Variants in GLDC observed in about 807,000 individuals in gnomAD.
The protein encoded by GLDC is glycine decarboxylase, also known as glycine dehydrogenase (decarboxylating), mitochondrial.
In GLDC, 104 loss-of-function variants were observed where a neutral mutation model predicts 121.3. The ratio of observed to expected loss-of-function variants is 0.86; its 90% confidence interval spans 0.73 to 1.01. The LOEUF is 1.01. Ranked by LOEUF, GLDC falls within the 50% of genes least tolerant of loss-of-function variation. The probability of loss-of-function intolerance (pLI) is 0.00; values close to 1 mark genes in which losing one functional copy is unlikely to be tolerated. For missense variants in GLDC, 1,429 were observed against 1,306.6 expected (o/e 1.09, Z -1.44); for synonymous variants, 546 against 480.6 (o/e 1.14, Z -1.78).
intron 17 of GLDC, among the ~76,000 whole-genome samples, chr9:6,557,486 C>T (rs1177405175): frequency 1.3e-5 from 2 of 152,046 alleles, no homozygotes; most frequent in African/African-American, 4.8e-5. Context: ...CCCAGCTAAT[C>T]AGGAGGCTGA....
At chr9:6,583,965 C>A (rs1281265790) in intron 15 of GLDC, among the ~76,000 whole-genome samples, 1 of 152,172 alleles carries the variant, frequency 6.6e-6, no homozygotes, top group Non-Finnish European at 1.5e-5. Context: ...GGCTGTACAA[C>A]AGTGTGAATA....
intron 15 of GLDC, among the ~76,000 whole-genome samples, chr9:6,566,839 A>G (rs949478796): frequency 2.0e-5 from 3 of 152,218 alleles, no homozygotes; most frequent in East Asian, 1.9e-4. Context: ...TACCCACAGA[A>G]AATCGGTAAG....
At chr9:6,605,462 C>A in intron 5 of GLDC, 184 bp from the exon 6 acceptor site, 1 of 657,648 alleles carries the variant, frequency 1.5e-6, no homozygotes, top group Non-Finnish European at 2.8e-6. Flanking sequence ...TCAAGCGCAT[C>A]CAACAGCTCT....
At position 6,587,123 on chromosome 9, in the gene GLDC, G is replaced by C; in HGVS notation, c.1850+18C>G. On this transcript the variant is annotated intron_variant, in intron 15 of 24. Transcript: ENST00000321612. ...CAAGAATAGATTGCTGAAACAATAA[G>C]AAAAGAAATGCCCTTACCTGTTTGG... 1 of 1,605,996 alleles carries C rather than the reference G, an allele frequency of 6.2e-7. No individual in the cohort carries two copies. The highest frequency in any genetic ancestry group is 8.5e-7 in the Non-Finnish European group (1 of 1,173,802).
At chr9:6,582,214 C>CAA (rs34879516) in intron 15 of GLDC, among the ~76,000 whole-genome samples, 43 of 48,586 alleles carry the variant, frequency 8.9e-4, no homozygotes, top group African/African-American at 1.6e-3. Context: ...GACTTCGTCT[C>CAA]AAAAAAAAAA....
At chr9:6,627,668 T>C (rs570624197) in intron 2 of GLDC, among the ~76,000 whole-genome samples, 5 of 152,178 alleles carry the variant, frequency 3.3e-5, no homozygotes, top group Non-Finnish European at 5.9e-5. Context: ...CACTCATCCA[T>C]TGCCCAACAC....
intron 16 of GLDC, among the ~76,000 whole-genome samples, chr9:6,564,259 A>AG (rs1394666691): frequency 6.6e-6 from 1 of 151,984 alleles, no homozygotes; most frequent in African/African-American, 2.4e-5. Context: ...AAAAAAAAAA[A>AG]AAAATTCTAT....
chr9:6,561,140 A>G (rs929446730), intron 16 of GLDC, among the ~76,000 whole-genome samples: 27 of 152,210 alleles, frequency 1.8e-4, no homozygotes, highest in Admixed American at 1.3e-4. Context: ...AAGAAAATTA[A>G]TGTGTGTTGT....
intron 3 of GLDC, among the ~76,000 whole-genome samples, chr9:6,617,301 A>G (rs1303580204): frequency 6.6e-6 from 1 of 152,198 alleles, no homozygotes; most frequent in South Asian, 2.1e-4. Context: ...AGTACAGGAC[A>G]ACATCATCTC....
At chr9:6,578,008 G>A (rs1217178386) in intron 15 of GLDC, among the ~76,000 whole-genome samples, 1 of 151,962 alleles carries the variant, frequency 6.6e-6, no homozygotes. Context: ...TCAACCTCCT[G>A]GGCTCAAGCA....
In GLDC at chr9:6,554,923, C is replaced by G. The variant is rs190579680; in HGVS notation, c.2203-142G>C. The G allele has an allele frequency of 9.7e-6, 7 of 719,074 alleles. No homozygotes were observed. In the Admixed American group the frequency reaches 1.4e-4, roughly 14 times the overall value. The allele number at this position is 719,074 out of a possible 1,614,324, so 44.5% of individuals were successfully genotyped here. On this transcript the variant is annotated intron_variant, in intron 18 of 24. Transcript: ENST00000321612. ...ACATCCATGGTGTTCACAGAAATGT[C>G]CTCTATACTGGCCCAGTTCCGTAGT... is the stretch of plus-strand genomic sequence containing the variant.
chr9:6,576,687 A>C (rs931603027), intron 15 of GLDC, among the ~76,000 whole-genome samples: 11 of 152,058 alleles, frequency 7.2e-5, no homozygotes, highest in Non-Finnish European at 1.2e-4. Context: ...GGCTGGTCTC[A>C]AACTCCTGAT....
At chr9:6,534,194 A>AG (rs1817066041) in intron 24 of GLDC, 1 of 160,470 alleles carries the variant, frequency 6.2e-6, no homozygotes, top group African/African-American at 2.4e-5. Context: ...AAAAAAAAAA[A>AG]AAAAAAAGAA....
At chr9:6,607,591 A>AATAC (rs773429953) in intron 4 of GLDC, among the ~76,000 whole-genome samples, 1 of 151,996 alleles carries the variant, frequency 6.6e-6, no homozygotes, top group Non-Finnish European at 1.5e-5. Context: ...TAAATAAATA[A>AATAC]ATACATACAT....
intron 2 of GLDC, among the ~76,000 whole-genome samples, chr9:6,624,319 C>G (rs750788939): frequency 2.6e-5 from 4 of 152,176 alleles, no homozygotes; most frequent in Non-Finnish European, 4.4e-5. Context: ...TGAGATCATG[C>G]TGGATTAGGG....
chr9:6,550,520 G>A (rs941355007), intron 21 of GLDC, among the ~76,000 whole-genome samples: 2 of 152,104 alleles, frequency 1.3e-5, no homozygotes, highest in African/African-American at 4.8e-5. Context: ...CCAGCTACTC[G>A]GGAGGCTGAG....
chr9:6,552,193 G>A (rs965992930), intron 20 of GLDC, among the ~76,000 whole-genome samples: 3 of 152,166 alleles, frequency 2.0e-5, no homozygotes, highest in African/African-American at 4.8e-5. Context: ...TGAAATAAGA[G>A]AAGGCCCAAG....
At chr9:6,574,351 C>T (rs1818021782) in intron 15 of GLDC, among the ~76,000 whole-genome samples, 1 of 151,744 alleles carries the variant, frequency 6.6e-6, no homozygotes, top group Admixed American at 6.6e-5. Flanking sequence ...CCTGTAATTC[C>T]AGCTACTTGG....
chr9:6,539,432 T>C (rs1817206445), intron 22 of GLDC, among the ~76,000 whole-genome samples: 2 of 152,050 alleles, frequency 1.3e-5, no homozygotes, highest in Non-Finnish European at 2.9e-5. Flanking sequence ...TGAGCTGAGA[T>C]CACATCACTG....
Sources: gnomAD v4.1 joint callset for allele counts (sites outside exome capture counted in the v4.1 genomes callset) on GRCh38, gnomAD v4.1.1 for gene constraint, MANE v1.5 for transcripts, NCBI Gene and HGNC (gene_info 2026-07-23, HGNC 2026-07-21) for gene names.